Variants in CCSER1 observed in about 807,000 individuals in gnomAD.
CCSER1 encodes the protein serine-rich coiled-coil domain-containing protein 1.
In CCSER1, 41 loss-of-function variants were observed where a neutral mutation model predicts 82.0. That is an observed-to-expected ratio of 0.50 (90% CI 0.39 to 0.65). The LOEUF (loss-of-function observed/expected upper bound fraction) is 0.65. CCSER1 is among the 30% of genes least tolerant of loss of function. The pLI, the probability that CCSER1 is intolerant of heterozygous loss-of-function variation, is 0.00. For missense variants in CCSER1, 1,119 were observed against 1,064.2 expected, an observed-to-expected ratio of 1.05 and a Z score of -0.72; for synonymous variants, 414 against 383.9, an observed-to-expected ratio of 1.08 and a Z score of -0.92.
chr4:90,798,881 T>C (rs910362334), intron 7 of CCSER1, among the ~76,000 whole-genome samples: 1 of 152,114 alleles, frequency 6.6e-6, no homozygotes, highest in Non-Finnish European at 1.5e-5. Context: ...CAGTGGGTGG[T>C]GGCGGAAGGT....
chr4:91,378,527 T>G (rs1231753711), intron 10 of CCSER1, among the ~76,000 whole-genome samples: 1 of 152,218 alleles, frequency 6.6e-6, no homozygotes, highest in African/African-American at 2.4e-5. Flanking sequence ...AAATGGGAGT[T>G]CACTCATGAT....
At chr4:91,025,783 G>A (rs139900249) in intron 9 of CCSER1, among the ~76,000 whole-genome samples, 1 of 152,096 alleles carries the variant, frequency 6.6e-6, no homozygotes, top group East Asian at 1.9e-4. Flanking sequence ...AGGTAATCAT[G>A]TGTATTAAAG....
In CCSER1 at chr4:90,364,918, C is replaced by T. The variant is rs565153097; in HGVS notation, c.1510-35118C>T. On this transcript the variant is annotated intron_variant, in intron 3 of 10. Coordinates refer to ENST00000509176, the MANE Select transcript of CCSER1 (RefSeq NM_001145065.2). The stretch of plus-strand genomic sequence containing the variant: ...TTTTTTTCATTAATCCATACAATGA[C>T]TGAACATTTTACAGCAGTATTTCAT... 5.9e-5 allele frequency among the ~76,000 whole-genome samples: 9 copies of T among 151,568 alleles called. No individual in the cohort carries two copies. The South Asian group carries it at 8.3e-4, about 14-fold the overall frequency.
At chr4:91,390,892 T>C (rs1751605188) in intron 10 of CCSER1, among the ~76,000 whole-genome samples, 1 of 152,106 alleles carries the variant, frequency 6.6e-6, no homozygotes, top group Admixed American at 6.6e-5. Context: ...TTATTATCCC[T>C]TCAGTTTCCA....
intron 10 of CCSER1, among the ~76,000 whole-genome samples, chr4:91,157,921 T>C (rs558907036): frequency 6.6e-6 from 1 of 152,156 alleles, no homozygotes; most frequent in Non-Finnish European, 1.5e-5. Flanking sequence ...CTTCAGGCAA[T>C]AAGAGGGTCT....
At chr4:90,835,217 G>C (rs1423915348) in intron 8 of CCSER1, among the ~76,000 whole-genome samples, 1 of 152,104 alleles carries the variant, frequency 6.6e-6, no homozygotes, top group African/African-American at 2.4e-5. Context: ...TGTAGTCCCA[G>C]CTACTCAGGA....
chr4:91,228,333 A>G (rs1738366758), intron 10 of CCSER1, among the ~76,000 whole-genome samples: 1 of 152,110 alleles, frequency 6.6e-6, no homozygotes. Flanking sequence ...TTTGGTGAAG[A>G]AAACATATTT....
At chr4:90,631,858 G>A (rs1399615947) in intron 6 of CCSER1, among the ~76,000 whole-genome samples, 1 of 152,036 alleles carries the variant, frequency 6.6e-6, no homozygotes, top group Non-Finnish European at 1.5e-5. Flanking sequence ...TAAAAATATT[G>A]TATAAAATTA....
chr4:90,687,925 C>CT (rs1218018816), intron 6 of CCSER1, among the ~76,000 whole-genome samples: 1 of 152,154 alleles, frequency 6.6e-6, no homozygotes, highest in Non-Finnish European at 1.5e-5. Context: ...TGACTCTGAT[C>CT]TAACTCTGTA....
chr4:91,489,581 G>A (rs1485913491), intron 10 of CCSER1, among the ~76,000 whole-genome samples: 1 of 152,074 alleles, frequency 6.6e-6, no homozygotes, highest in Non-Finnish European at 1.5e-5. Context: ...GAGGCTGACT[G>A]ATCACCTGAG....
chr4:91,085,515 A>C (rs2148815594), intron 9 of CCSER1, among the ~76,000 whole-genome samples: 1 of 152,224 alleles, frequency 6.6e-6, no homozygotes, highest in South Asian at 2.1e-4. Context: ...TGAATATTTT[A>C]TAGATAATCA....
chr4:91,180,321 C>T (rs1733878906), intron 10 of CCSER1, among the ~76,000 whole-genome samples: 1 of 152,214 alleles, frequency 6.6e-6, no homozygotes, highest in Admixed American at 6.5e-5. Flanking sequence ...AGGAGAACCA[C>T]TACTCTCTTC....
chr4:90,284,813 G>T (rs1729566683), intron 1 of CCSER1, among the ~76,000 whole-genome samples: 2 of 151,872 alleles, frequency 1.3e-5, no homozygotes. Context: ...TTTTGTATAT[G>T]GAGAGAGATA....
chr4:90,953,784 G>C (rs1481481489), intron 9 of CCSER1, among the ~76,000 whole-genome samples: 1 of 151,832 alleles, frequency 6.6e-6, no homozygotes, highest in Non-Finnish European at 1.5e-5. Context: ...TTCATCCATA[G>C]TATAGGTTTT....
chr4:90,795,574 G>GT (rs1011692549), intron 7 of CCSER1, among the ~76,000 whole-genome samples: 1 of 152,148 alleles, frequency 6.6e-6, no homozygotes, highest in African/African-American at 2.4e-5. Context: ...TCTTTTGCTG[G>GT]TTTTTCAGGA....
intron 1 of CCSER1, among the ~76,000 whole-genome samples, chr4:90,229,651 C>T (rs1410975407): frequency 3.3e-5 from 5 of 152,166 alleles, no homozygotes; most frequent in East Asian, 1.9e-4. Context: ...GGACTAAATG[C>T]TCCAATTAAA....
At chr4:90,448,473 A>ATC (rs1313820722) in intron 4 of CCSER1, among the ~76,000 whole-genome samples, 3 of 121,232 alleles carry the variant, frequency 2.5e-5, no homozygotes, top group African/African-American at 1.1e-4. Flanking sequence ...ATATATATAT[A>ATC]TATATATATA....
intron 5 of CCSER1, among the ~76,000 whole-genome samples, chr4:90,521,725 A>G (rs2153625164): frequency 6.6e-6 from 1 of 152,176 alleles, no homozygotes; most frequent in East Asian, 1.9e-4. Context: ...CCAGAATATC[A>G]TAAATAAAAC....
rs1228944103 is a variant in CCSER1, at chr4:90,821,533, C to T, written c.2094+5688C>T. On this transcript the variant is annotated intron_variant, in intron 8 of 10. Coordinates refer to ENST00000509176, the MANE Select transcript of CCSER1 (RefSeq NM_001145065.2). Reference sequence around the variant, plus strand: ...TTGGACTTTTTGAATATTAGAAATACATCACTCTTATCCAACAGAAAGATT... The same window carrying T: ...TTGGACTTTTTGAATATTAGAAATATATCACTCTTATCCAACAGAAAGATT... Among the ~76,000 whole-genome samples the T allele has an allele frequency of 4.6e-5, 7 of 152,232 alleles. No homozygotes were observed. In the East Asian group the frequency reaches 1.4e-3, roughly 29 times the overall value.
Sources: allele counts gnomAD v4.1 joint callset (sites outside exome capture counted in the v4.1 genomes callset), GRCh38; gene constraint gnomAD v4.1.1; transcripts MANE v1.5; gene names NCBI Gene and HGNC (gene_info 2026-07-23, HGNC 2026-07-21).